Variants in AHI1 observed in about 807,000 individuals in gnomAD.
AHI1 encodes Abelson helper integration site 1, also known as jouberin.
Under a neutral mutation model 149.3 loss-of-function variants are expected in AHI1, and 123 were observed. That is an observed-to-expected ratio of 0.82 (90% confidence interval 0.71 to 0.96). The LOEUF (loss-of-function observed/expected upper bound fraction) is 0.96, where lower values mean the gene tolerates loss of function less well. Ranked by LOEUF, AHI1 falls within the 40% of genes least tolerant of loss-of-function variation. The pLI is 0.00. For synonymous variants in AHI1, 475 were observed against 459.8 expected (o/e 1.03, Z -0.42); for missense variants, 1,439 against 1,422.7 (o/e 1.01, Z -0.18).
At chr6:135,349,042 A>T (rs181661310) in intron 24 of AHI1, among the ~76,000 whole-genome samples, 15 of 152,302 alleles carry the variant, frequency 9.8e-5, no homozygotes, top group African/African-American at 3.6e-4. Flanking sequence ...AAATATCCAG[A>T]TAATAGAAAC....
At chr6:135,399,225 T>C (rs1403095252) in intron 22 of AHI1, among the ~76,000 whole-genome samples, 1 of 152,152 alleles carries the variant, frequency 6.6e-6, no homozygotes, top group Admixed American at 6.5e-5. Flanking sequence ...GCTATTTCCC[T>C]GCAGGTTAGA....
chr6:135,324,062 G>A (rs2128385869), intron 24 of AHI1, among the ~76,000 whole-genome samples: 1 of 152,312 alleles, frequency 6.6e-6, no homozygotes, highest in South Asian at 2.1e-4. Flanking sequence ...GCTCATGCCT[G>A]TAGTCTCAGC....
chr6:135,429,730 T>TA (rs879462290), intron 18 of AHI1, among the ~76,000 whole-genome samples, 152 bp downstream of exon 18: 97 of 144,216 alleles, frequency 6.7e-4, no homozygotes, highest in African/African-American at 1.4e-3. Flanking sequence ...AGAAGCAACA[T>TA]AAAAAAAAAA....
At chr6:135,325,689 T>C (rs888595179) in intron 24 of AHI1, among the ~76,000 whole-genome samples, 2 of 152,228 alleles carry the variant, frequency 1.3e-5, no homozygotes, top group African/African-American at 2.4e-5. Context: ...CCCTTCTTTC[T>C]TTCTCTTCCC....
intron 3 of AHI1, among the ~76,000 whole-genome samples, chr6:135,494,220 C>T (rs1320200471): frequency 6.6e-6 from 1 of 152,122 alleles, no homozygotes; most frequent in African/African-American, 2.4e-5. Flanking sequence ...CTTTTGTTTC[C>T]TCATCTATAA....
intron 20 of AHI1, among the ~76,000 whole-genome samples, chr6:135,414,636 A>G (rs1421351642): frequency 6.6e-6 from 1 of 152,086 alleles, no homozygotes; most frequent in Non-Finnish European, 1.5e-5. Context: ...ATTTGAAAAG[A>G]CAATTTACTG....
chr6:135,378,483 G>C (rs932259526), intron 23 of AHI1, among the ~76,000 whole-genome samples: 1 of 152,130 alleles, frequency 6.6e-6, no homozygotes. Context: ...TGTTCAAATC[G>C]TATCGTTTGT....
At chr6:135,418,616 A>G (rs1782710087) in intron 20 of AHI1, among the ~76,000 whole-genome samples, 1 of 152,080 alleles carries the variant, frequency 6.6e-6, no homozygotes, top group Admixed American at 6.6e-5. Flanking sequence ...AAACTTTGCT[A>G]TTATTACAAT....
At chr6:135,473,328 C>A (rs1792058549) in intron 5 of AHI1, among the ~76,000 whole-genome samples, 1 of 152,100 alleles carries the variant, frequency 6.6e-6, no homozygotes, top group Non-Finnish European at 1.5e-5. Flanking sequence ...ATGACAATTC[C>A]AGATTGTATT....
intron 23 of AHI1, among the ~76,000 whole-genome samples, chr6:135,386,898 T>TC (rs1485347000): frequency 2.0e-5 from 3 of 152,108 alleles, no homozygotes; most frequent in Non-Finnish European, 2.9e-5. Flanking sequence ...CCCAAGGGGA[T>TC]CATAAGGCAT....
intron 24 of AHI1, among the ~76,000 whole-genome samples, chr6:135,351,135 CA>C (rs1183574427): frequency 6.1e-5 from 8 of 131,390 alleles, no homozygotes; most frequent in African/African-American, 2.7e-4. Flanking sequence ...AAACAAAAAA[CA>C]AAAAAAACAA....
intron 13 of AHI1, 31 bp downstream of exon 13, chr6:135,446,977 T>C: frequency 6.3e-7 from 1 of 1,585,350 alleles, no homozygotes; most frequent in African/African-American, 1.4e-5. Context: ...AGTAAACATC[T>C]AAATAAATCC....
chr6:135,417,292 T>C (rs1782517273), intron 20 of AHI1, among the ~76,000 whole-genome samples: 1 of 152,042 alleles, frequency 6.6e-6, no homozygotes, highest in Admixed American at 6.6e-5. Flanking sequence ...TCTGAGATTG[T>C]GTACCTACCA....
chr6:135,326,228 G>A (rs560845536), intron 24 of AHI1, among the ~76,000 whole-genome samples: 6 of 152,102 alleles, frequency 3.9e-5, no homozygotes, highest in Non-Finnish European at 5.9e-5. Flanking sequence ...TGGCCTTTAC[G>A]GAGGTAATTC....
chr6:135,368,520 C>A lies in AHI1; in HGVS notation c.3110-10333G>T, dbSNP rs528721221. ...AGACCATGGTGGTGGTGGGGGGCACCCGCAGGATTAGGTATGTCTGAACTC... is the reference window on the plus strand; with the variant it reads ...AGACCATGGTGGTGGTGGGGGGCACACGCAGGATTAGGTATGTCTGAACTC... On this transcript the variant is annotated intron_variant, in intron 23 of 28. Coordinates refer to ENST00000265602, the MANE Select transcript of AHI1 (RefSeq NM_001134831.2). 4.6e-5 allele frequency among the ~76,000 whole-genome samples: 7 copies of A among 152,150 alleles called. No homozygotes were observed. In the South Asian group the frequency reaches 1.5e-3, roughly 32 times the overall value.
chr6:135,455,889 C>T lies in AHI1; in HGVS notation c.1189G>A (p.Val397Met), dbSNP rs1333376430. Residue 397 changes from valine to methionine, a missense_variant, in exon 10 of 29, where the codon GTG becomes ATG. Coordinates refer to ENST00000265602, the MANE Select transcript of AHI1 (RefSeq NM_001134831.2). ...GTCATAATAGGAAGAATATAATCCACATTCTCTTTTTCATAGTAAGATGAA... is the reference window on the plus strand; with the variant it reads ...GTCATAATAGGAAGAATATAATCCATATTCTCTTTTTCATAGTAAGATGAA... ...PVSSYYEKEN[V>M]DYILPIMTQP... 26 of 1,546,276 alleles carry T rather than the reference C, an allele frequency of 1.7e-5. No homozygotes were observed. Among genetic ancestry groups the T allele is most frequent in the Non-Finnish European group, 2.3e-5 (26 of 1,138,246 alleles).
intron 23 of AHI1, among the ~76,000 whole-genome samples, chr6:135,361,164 T>C (rs571701558): frequency 5.9e-5 from 9 of 152,344 alleles, no homozygotes; most frequent in Non-Finnish European, 1.2e-4. Context: ...TACTATACCT[T>C]GAATTAGGAT....
At chr6:135,459,740 T>TAAAAAAAAAAAAAA (rs58235668) in intron 8 of AHI1, among the ~76,000 whole-genome samples, 2 of 118,554 alleles carry the variant, frequency 1.7e-5, no homozygotes, top group Non-Finnish European at 1.7e-5. Context: ...CTGACAGAAG[T>TAAAAAAAAAAAAAA]AAAAAAAAAA....
At chr6:135,338,836 G>A (rs927371916) in intron 24 of AHI1, among the ~76,000 whole-genome samples, 2 of 152,092 alleles carry the variant, frequency 1.3e-5, no homozygotes, top group Admixed American at 1.3e-4. Flanking sequence ...AATGGGTCTG[G>A]AGCACCTCTA....
Sources: allele counts gnomAD v4.1 joint callset (sites outside exome capture counted in the v4.1 genomes callset), GRCh38; gene constraint gnomAD v4.1.1; transcripts MANE v1.5; gene names NCBI Gene and HGNC (gene_info 2026-07-23, HGNC 2026-07-21).